CLTCL1: variants seen among roughly 807,000 people sequenced by gnomAD.
The protein encoded by CLTCL1 is clathrin heavy chain like 1.
In CLTCL1, 159 loss-of-function variants were observed where a neutral mutation model predicts 190.0. The observed-to-expected ratio is 0.84, with a 90% CI of 0.74 to 0.95. CLTCL1 has a LOEUF of 0.95. Among genes scored for constraint, CLTCL1 ranks in the 40% least tolerant of loss-of-function variants. The probability of loss-of-function intolerance (pLI) is 0.00; values close to 1 mark genes in which losing one functional copy is unlikely to be tolerated. For synonymous variants in CLTCL1, 752 were observed against 769.6 expected, an observed-to-expected ratio of 0.98 and a Z score of 0.38; for missense variants, 1,878 against 2,033.4, an observed-to-expected ratio of 0.92 and a Z score of 1.47.
intron 22 of CLTCL1, among the ~76,000 whole-genome samples, chr22:19,201,962 T>C (rs531728160): frequency 7.9e-5 from 12 of 152,176 alleles, no homozygotes; most frequent in Admixed American, 7.8e-4. Context: ...CTTGTTCTTC[T>C]CACAAGAACA....
intron 22 of CLTCL1, 121 bp downstream of exon 22, chr22:19,208,032 GA>G: frequency 2.5e-6 from 3 of 1,209,094 alleles, no homozygotes; most frequent in Non-Finnish European, 1.2e-6. Context: ...CCTGTCTGTG[GA>G]AAAACTGTCT....
rs550204712 is a variant in CLTCL1 at position 19,207,658 on chromosome 22, C to G, written c.3600+496G>C. The G allele has an allele frequency of 1.6e-5, 7 of 437,900 alleles. No individual in the cohort carries two copies. The East Asian group carries it at 2.3e-4, about 14-fold the overall frequency. 27.1% of individuals were successfully genotyped at this position (437,900 alleles called of 1,614,324 possible). A position where few individuals can be genotyped will look rare whatever the true frequency, so the allele number is the denominator to read the frequency against. The stretch of plus-strand genomic sequence containing the variant: ...TAGCAGCAAGTGAGCAGCAGGCAAG[C>G]GAGTGAAGCTTCATCTGTATTTACA... On this transcript the variant is annotated intron_variant, in intron 22 of 32. Coordinates refer to ENST00000427926, the MANE Select transcript of CLTCL1 (RefSeq NM_007098.4).
At chr22:19,290,153 A>G (rs2146422184) in intron 1 of CLTCL1, among the ~76,000 whole-genome samples, 1 of 152,302 alleles carries the variant, frequency 6.6e-6, no homozygotes. Flanking sequence ...GACACCTAAA[A>G]TATCTTGTTG....
intron 2 of CLTCL1, chr22:19,258,145 G>C (rs2086825414): frequency 5.4e-6 from 2 of 370,138 alleles, no homozygotes; most frequent in African/African-American, 4.2e-5. Context: ...CTCTCAAGGA[G>C]AAGCTGTTCT....
rs1287732737 is a variant in CLTCL1, at chr22:19,179,934, AGG to A, written c.*54_*55del. The A allele has an allele frequency of 7.6e-6, 4 of 527,866 alleles. No homozygotes were observed. Among genetic ancestry groups the A allele is most frequent in the African/African-American group, 5.7e-5 (3 of 52,354 alleles). The allele number at this position is 527,866 out of a possible 1,614,324, so 32.7% of individuals were successfully genotyped here. On this transcript the variant is annotated 3_prime_UTR_variant, in exon 33 of 33. Coordinates refer to ENST00000427926, the MANE Select transcript of CLTCL1 (RefSeq NM_007098.4). Reference sequence around the variant, plus strand: ...AAGTTGGGAGCAGAGGCATATCCATAGGGGAAGCTGGCAGGGGCTGGGCCCAC... The same window carrying A: ...AAGTTGGGAGCAGAGGCATATCCATAGGAAGCTGGCAGGGGCTGGGCCCAC...
rs2084072499 is a variant in CLTCL1, at chr22:19,179,964, C to A, written c.*26G>T. 3.6e-6 allele frequency: 2 copies of A among 563,348 alleles called. No homozygotes were observed. The allele number at this position is 563,348 out of a possible 1,614,324, so 34.9% of individuals were successfully genotyped here. Reference sequence around the variant, plus strand: ...AAGCTGGCAGGGGCTGGGCCCACGGCAGGGCCTGCAGAGGGGGAAGCCCAC... The same window carrying A: ...AAGCTGGCAGGGGCTGGGCCCACGGAAGGGCCTGCAGAGGGGGAAGCCCAC... On this transcript the variant is annotated 3_prime_UTR_variant, in exon 33 of 33. Transcript: ENST00000427926.
chr22:19,291,105 A>C (rs1475618003), intron 1 of CLTCL1, among the ~76,000 whole-genome samples: 4 of 152,348 alleles, frequency 2.6e-5, no homozygotes, highest in Admixed American at 2.6e-4. Context: ...TGCATTGAAA[A>C]GCCCTATTTA....
intron 2 of CLTCL1, among the ~76,000 whole-genome samples, chr22:19,257,304 T>C (rs1200766032): frequency 6.6e-6 from 1 of 152,174 alleles, no homozygotes; most frequent in Non-Finnish European, 1.5e-5. Context: ...GATCAAATGA[T>C]CTTTGACAAG....
intron 1 of CLTCL1, among the ~76,000 whole-genome samples, 158 bp from the exon 2 acceptor site, chr22:19,275,988 A>G (rs1261803172): frequency 6.7e-6 from 1 of 149,096 alleles, no homozygotes; most frequent in African/African-American, 2.5e-5. Context: ...CGCCTGTAAT[A>G]GATCCACCCA....
At chr22:19,234,954 C>G (rs1313619739) in intron 6 of CLTCL1, among the ~76,000 whole-genome samples, 2 of 152,230 alleles carry the variant, frequency 1.3e-5, no homozygotes, top group African/African-American at 4.8e-5. Flanking sequence ...TTCTGCGCTA[C>G]AGCAAAATGA....
intron 3 of CLTCL1, among the ~76,000 whole-genome samples, chr22:19,246,523 C>T (rs2086425674): frequency 6.6e-6 from 1 of 151,886 alleles, no homozygotes; most frequent in South Asian, 2.1e-4. Context: ...GTTGCCCAGG[C>T]TGGAGTGCAA....
intron 10 of CLTCL1, 102 bp downstream of exon 10, chr22:19,232,374 T>C (rs2085942372): frequency 1.3e-6 from 2 of 1,505,594 alleles, no homozygotes; most frequent in Non-Finnish European, 1.8e-6. Flanking sequence ...TAATAGCAGA[T>C]GAAGAAAAGC....
intron 1 of CLTCL1, among the ~76,000 whole-genome samples, chr22:19,280,603 G>A (rs1166226883): frequency 2.0e-5 from 3 of 151,902 alleles, no homozygotes; most frequent in African/African-American, 7.3e-5. Context: ...TGGGTCGCTT[G>A]AGGTCAGGAG....
rs782012663 is a variant in CLTCL1, at chr22:19,221,364, A to T, written c.2796+13T>A. 1.4e-5 allele frequency: 21 copies of T among 1,533,988 alleles called. No homozygotes were observed. The highest frequency in any genetic ancestry group is 1.8e-5 in the Non-Finnish European group (20 of 1,134,584). On this transcript the variant is annotated intron_variant, in intron 17 of 32. Transcript: ENST00000427926. Reference sequence around the variant, plus strand: ...CAGGGTTACATGGGCAGCTCAGCACATCTGCTACCCACCTTGATGAGCTCA... The same window carrying T: ...CAGGGTTACATGGGCAGCTCAGCACTTCTGCTACCCACCTTGATGAGCTCA...
chr22:19,215,562 C>T (rs896701512), intron 19 of CLTCL1, among the ~76,000 whole-genome samples: 11 of 152,144 alleles, frequency 7.2e-5, no homozygotes, highest in African/African-American at 2.2e-4. Flanking sequence ...TCTATACTGC[C>T]GGTCCGTGTG....
chr22:19,279,560 GCTCA>G (rs1601728704), intron 1 of CLTCL1, among the ~76,000 whole-genome samples: 1 of 152,152 alleles, frequency 6.6e-6, no homozygotes, highest in African/African-American at 2.4e-5. Context: ...ATCAATATGG[GCTCA>G]CTAAGAAGTC....
intron 22 of CLTCL1, among the ~76,000 whole-genome samples, chr22:19,205,929 GTT>G (rs11459393): frequency 2.1e-5 from 3 of 145,240 alleles, no homozygotes; most frequent in African/African-American, 2.5e-5. Flanking sequence ...TCCAACCATT[GTT>G]TTTTTTTTTT....
intron 5 of CLTCL1, among the ~76,000 whole-genome samples, chr22:19,237,094 C>T (rs192824882): frequency 1.3e-5 from 2 of 152,256 alleles, no homozygotes; most frequent in East Asian, 3.9e-4. Context: ...TAAGGTGCCA[C>T]ATATCACAAA....
chr22:19,197,285 G>A (rs2084741392), intron 24 of CLTCL1, among the ~76,000 whole-genome samples: 1 of 152,166 alleles, frequency 6.6e-6, no homozygotes, highest in South Asian at 2.1e-4. Flanking sequence ...TCCCAAGGAG[G>A]ACACCCTTCT....
Sources: allele counts gnomAD v4.1 joint callset (sites outside exome capture counted in the v4.1 genomes callset), GRCh38; gene constraint gnomAD v4.1.1; transcripts MANE v1.5; gene names NCBI Gene and HGNC (gene_info 2026-07-23, HGNC 2026-07-21).